Variants in MACROD2 observed in about 807,000 individuals in gnomAD.
The protein encoded by MACROD2 is ADP-ribose glycohydrolase MACROD2.
In MACROD2, 36 loss-of-function variants were observed where a neutral mutation model predicts 70.4. The ratio of observed to expected loss-of-function variants is 0.51; its 90% CI spans 0.39 to 0.68. The LOEUF is 0.68. Among genes scored for constraint, MACROD2 ranks in the 30% least tolerant of loss-of-function variants. The pLI, the probability that MACROD2 is intolerant of heterozygous loss-of-function variation, is 0.00. For missense variants in MACROD2, 496 were observed against 538.4 expected (o/e 0.92, Z 0.78); for synonymous variants, 172 against 178.8 (o/e 0.96, Z 0.30).
intron 3 of MACROD2, among the ~76,000 whole-genome samples, chr20:14,226,022 G>A (rs1171122344): frequency 2.0e-5 from 3 of 152,160 alleles, no homozygotes; most frequent in Non-Finnish European, 4.4e-5. Flanking sequence ...GGTAGAAGCA[G>A]GTAGGTTGTA....
chr20:14,241,902 GA>G (rs2081932690), intron 3 of MACROD2, among the ~76,000 whole-genome samples: 3 of 152,170 alleles, frequency 2.0e-5, no homozygotes, highest in Non-Finnish European at 4.4e-5. Flanking sequence ...GGTTCCTTCA[GA>G]AAATGTATGT....
chr20:14,637,603 G>A (rs975160232), intron 4 of MACROD2, among the ~76,000 whole-genome samples: 11 of 152,018 alleles, frequency 7.2e-5, no homozygotes, highest in African/African-American at 2.7e-4. Context: ...TCTCTTCTTC[G>A]TTACGATTTG....
At chr20:15,951,941 C>T (rs1287420770) in intron 12 of MACROD2, among the ~76,000 whole-genome samples, 1 of 152,160 alleles carries the variant, frequency 6.6e-6, no homozygotes, top group Non-Finnish European at 1.5e-5. Context: ...GCTATGTCCC[C>T]ACCCATATCT....
intron 3 of MACROD2, among the ~76,000 whole-genome samples, chr20:14,259,586 A>C (rs1370670212): frequency 6.6e-6 from 1 of 152,218 alleles, no homozygotes; most frequent in Non-Finnish European, 1.5e-5. Context: ...CATTAGTCAA[A>C]TATTTATTAA....
At chr20:14,827,793 T>G (rs1465493493) in intron 5 of MACROD2, among the ~76,000 whole-genome samples, 1 of 152,088 alleles carries the variant, frequency 6.6e-6, no homozygotes, top group Non-Finnish European at 1.5e-5. Flanking sequence ...TATTTAATTT[T>G]ACAAGCCTAA....
chr20:14,590,932 G>C (rs6110345), intron 4 of MACROD2, among the ~76,000 whole-genome samples: 1 of 151,912 alleles, frequency 6.6e-6, no homozygotes, highest in East Asian at 1.9e-4. Flanking sequence ...CAAAATCTTA[G>C]GTCTGCATTT....
chr20:14,891,317 G>C (rs929709981), intron 5 of MACROD2, among the ~76,000 whole-genome samples: 5 of 152,038 alleles, frequency 3.3e-5, no homozygotes, highest in African/African-American at 1.2e-4. Context: ...CTTATTTTAG[G>C]CCATTACATT....
chr20:14,726,275 TATTTTGAA>T (rs2071529071), intron 5 of MACROD2, among the ~76,000 whole-genome samples: 1 of 152,192 alleles, frequency 6.6e-6, no homozygotes, highest in Non-Finnish European at 1.5e-5. Context: ...ATAACCTTGA[TATTTTGAA>T]ATACTAGAAT....
intron 9 of MACROD2, among the ~76,000 whole-genome samples, chr20:15,871,910 C>T (rs749041489): frequency 5.3e-5 from 8 of 152,130 alleles, no homozygotes; most frequent in East Asian, 1.9e-4. Flanking sequence ...ACTCAATTCA[C>T]GACTTGAGAG....
At chr20:15,395,765 A>G (rs1316227258) in intron 6 of MACROD2, among the ~76,000 whole-genome samples, 1 of 152,226 alleles carries the variant, frequency 6.6e-6, no homozygotes, top group Non-Finnish European at 1.5e-5. Flanking sequence ...AGATGCCAAT[A>G]GGTTAATGTT....
chr20:14,212,692 C>T (rs1020225866), intron 3 of MACROD2, among the ~76,000 whole-genome samples: 2 of 151,526 alleles, frequency 1.3e-5, no homozygotes, highest in African/African-American at 4.9e-5. Context: ...TTTCTGTAGT[C>T]CCTGTCTCTA....
chr20:14,411,234 T>G (rs1600212854), intron 3 of MACROD2, among the ~76,000 whole-genome samples: 1 of 152,232 alleles, frequency 6.6e-6, no homozygotes, highest in East Asian at 1.9e-4. Context: ...GGGATAGATT[T>G]TTTTTCTTAA....
chr20:15,546,742 C>A (rs376100159), intron 8 of MACROD2, among the ~76,000 whole-genome samples: 15 of 152,276 alleles, frequency 9.9e-5, no homozygotes, highest in African/African-American at 3.6e-4. Flanking sequence ...TGCACTCAAG[C>A]TTTAGATGAC....
chr20:14,180,242 C>CT (rs1476947111), intron 3 of MACROD2, among the ~76,000 whole-genome samples: 1 of 152,032 alleles, frequency 6.6e-6, no homozygotes, highest in Admixed American at 6.6e-5. Context: ...GAGTTTGTTG[C>CT]TTATTATAGC....
Position 14,296,288 on chromosome 20 carries a change from A to G in MACROD2, c.272-197191A>G, listed in dbSNP as rs75696762. Among the ~76,000 whole-genome samples the G allele has an allele frequency of 2.9e-3, 448 of 152,070 alleles. 17 individuals carry two copies. Among genetic ancestry groups the G allele is most frequent in the African/African-American group, 0.01 (421 of 41,352 alleles). ...GAATATCTAAAGATTCAGCAATTCT[A>G]TCCCTAGATGTGTACCCAACATATT... On this transcript the variant is annotated intron_variant, in intron 3 of 17. Transcript: ENST00000684519.
intron 10 of MACROD2, among the ~76,000 whole-genome samples, chr20:15,922,217 C>G (rs2065420184): frequency 6.6e-6 from 1 of 152,218 alleles, no homozygotes; most frequent in Admixed American, 6.5e-5. Flanking sequence ...CTCCACAGCT[C>G]TTTTCCCCAC....
chr20:15,153,898 T>C (rs192441384), intron 5 of MACROD2, among the ~76,000 whole-genome samples: 1 of 152,234 alleles, frequency 6.6e-6, no homozygotes, highest in East Asian at 1.9e-4. Flanking sequence ...TCCAGAAGGA[T>C]TTTTTATACT....
rs1237716529 is a variant in MACROD2 at position 15,088,394 on chromosome 20, A to ATT, written c.419-141543_419-141542dup. Among the ~76,000 whole-genome samples the ATT allele has an allele frequency of 1.0e-3, 105 of 102,912 alleles. 1 individual carries two copies. The highest frequency in any genetic ancestry group is 8.0e-3 in the South Asian group (20 of 2,508). The allele number at this position is 102,912 out of a possible 152,430, so 67.5% of individuals were successfully genotyped here. On this transcript the variant is annotated intron_variant, in intron 5 of 17. Coordinates refer to ENST00000684519, the MANE Select transcript of MACROD2 (RefSeq NM_001351661.2). Reference sequence around the variant, plus strand: ...ATAACCATTAAAACATATATACTATATTTTATATATATATATATATATATA... The same window carrying ATT: ...ATAACCATTAAAACATATATACTATATTTTTTATATATATATATATATATATA...
At chr20:15,083,876 A>C (rs1288031582) in intron 5 of MACROD2, among the ~76,000 whole-genome samples, 1 of 151,898 alleles carries the variant, frequency 6.6e-6, no homozygotes, top group African/African-American at 2.4e-5. Context: ...GATTTATGAA[A>C]TCCTATGTTC....
Sources: gnomAD v4.1 joint callset for allele counts (sites outside exome capture counted in the v4.1 genomes callset) on GRCh38, gnomAD v4.1.1 for gene constraint, MANE v1.5 for transcripts, NCBI Gene and HGNC (gene_info 2026-07-23, HGNC 2026-07-21) for gene names.